Variants in PLIN5 observed in about 807,000 individuals in gnomAD.
The protein encoded by PLIN5 is perilipin-5.
Under a neutral mutation model 32.8 loss-of-function variants are expected in PLIN5, and 34 were observed. That is an observed-to-expected ratio of 1.04 (90% CI 0.79 to 1.38). The LOEUF is 1.38. Ranked by LOEUF, PLIN5 falls within the 40% of genes most tolerant of loss-of-function variation. The pLI is 0.00. For synonymous variants in PLIN5, 309 were observed against 292.9 expected (o/e 1.05, Z -0.56); for missense variants, 712 against 660.5 (o/e 1.08, Z -0.85).
rs1441846413 is a variant in PLIN5, at chr19:4,522,665, G to A, written c.*863C>T. 6.6e-6 allele frequency: 1 copy of A among 152,204 alleles called. No individual in the cohort carries two copies. The highest frequency in any genetic ancestry group is 1.5e-5 in the Non-Finnish European group (1 of 68,050). 9.4% of individuals were successfully genotyped at this position (152,204 alleles called of 1,614,324 possible). On this transcript the variant is annotated 3_prime_UTR_variant, in exon 8 of 8. Coordinates refer to ENST00000381848, the MANE Select transcript of PLIN5 (RefSeq NM_001013706.3). ...CAAAGTTCCAAATAGGGCAAAATGT[G>A]TGTTTCCCTAGGAAGTATTTTTTAA...
chr19:4,524,090 AG>A lies in PLIN5; in HGVS notation c.835-6del, dbSNP rs1350633313. On this transcript the variant is annotated splice_polypyrimidine_tract_variant and splice_region_variant and intron_variant, in intron 7 of 7. Coordinates refer to ENST00000381848, the MANE Select transcript of PLIN5 (RefSeq NM_001013706.3). ...CACCAGCGTCTCCAGCTCTGCCTGC[AG>A]GGGGCGGGGACCTCAGTTTCCCCTA... 9 of 1,414,936 alleles carry A rather than the reference AG, an allele frequency of 6.4e-6. No individual in the cohort carries two copies. The highest frequency in any genetic ancestry group is 1.5e-5 in the South Asian group (1 of 65,818). 87.6% of individuals were successfully genotyped at this position (1,414,936 alleles called of 1,614,324 possible). A position where few individuals can be genotyped will look rare whatever the true frequency, so the allele number is the denominator to read the frequency against.
Position 4,529,244 on chromosome 19 carries a change from A to G in PLIN5, c.349T>C (p.Ser117Pro), listed in dbSNP as rs1270962311. ...LQQPSETVVT[S>P]AKDVVASSVT... is the part of the protein sequence containing the mutation. ...CTGCTGGCCACCACGTCCTTGGCTG[A>G]GGTCACCACCTGGAAGGAAGGGCCC... is the stretch of plus-strand genomic sequence containing the variant. Residue 117 changes from serine to proline, a missense_variant, in exon 5 of 8, where the codon TCA (serine) becomes CCA (proline). Coordinates refer to ENST00000381848, the MANE Select transcript of PLIN5 (RefSeq NM_001013706.3). 1 of 1,598,028 alleles carries G rather than the reference A, an allele frequency of 6.3e-7. No individual in the cohort carries two copies. The highest frequency in any genetic ancestry group is 1.1e-5 in the South Asian group (1 of 90,156).
At position 4,529,830 on chromosome 19, in the gene PLIN5, T is replaced by C; in HGVS notation, c.293A>G (p.Asp98Gly). The C allele has an allele frequency of 6.2e-7, 1 of 1,610,998 alleles. No individual in the cohort carries two copies. Among genetic ancestry groups the C allele is most frequent in the Non-Finnish European group, 8.5e-7 (1 of 1,177,880 alleles). The change falls in exon 4 of 8, where the codon GAC becomes GGC. Residue 98 changes from aspartate to glycine, a missense_variant. Coordinates refer to ENST00000381848, the MANE Select transcript of PLIN5 (RefSeq NM_001013706.3). ...AAAGGGAAGCTTCTCTTCCAGCTTG[T>C]CCAGGCCCCTGCAGGCGAGGCTGTT... ...TMNSLACRGLDKLEEKLPFLQ... is the reference protein window; with the variant it reads ...TMNSLACRGLGKLEEKLPFLQ...
In PLIN5 at chr19:4,523,102, C is replaced by A; in HGVS notation, c.*426G>T. 1 of 135,858 alleles carries A rather than the reference C, an allele frequency of 7.4e-6. No homozygotes were observed. The highest frequency in any genetic ancestry group is 1.5e-5 in the Non-Finnish European group (1 of 66,060). 8.4% of individuals were successfully genotyped at this position (135,858 alleles called of 1,614,324 possible). ...GCTTTTTTTTTTTTTTTCTTTCTTT[C>A]TAAGTAGAGACAGGGTTTCATCATG... On this transcript the variant is annotated 3_prime_UTR_variant, in exon 8 of 8. Transcript: ENST00000381848. This position sits in a 1 kb window ranked among gnomAD's most constrained non-coding sequence, Gnocchi z 5.0.
intron 5 of PLIN5, among the ~76,000 whole-genome samples, chr19:4,526,484 G>T (rs995180432): frequency 6.6e-6 from 1 of 152,124 alleles, no homozygotes; most frequent in Non-Finnish European, 1.5e-5. Flanking sequence ...GCCTCCTAAC[G>T]TGCTGTGTTT....
rs201551946 is a variant in PLIN5, at chr19:4,523,507, C to A, written c.*21G>T. ...GGGGTGTGCAGGTGGCCTTTCCTCC[C>A]CGCCTCCACTGGCCCATGGGTCAGA... On this transcript the variant is annotated 3_prime_UTR_variant, in exon 8 of 8. Transcript: ENST00000381848. This position sits in a 1 kb window ranked among gnomAD's most constrained non-coding sequence, Gnocchi z 5.0. 2,237 of 1,526,200 alleles carry A rather than the reference C, an allele frequency of 1.5e-3. 9 individuals carry two copies. Among genetic ancestry groups the A allele is most frequent in the Non-Finnish European group, 1.6e-3 (1,764 of 1,133,720 alleles). 94.5% of individuals were successfully genotyped at this position (1,526,200 alleles called of 1,614,324 possible).
At chr19:4,535,126 C>CG (rs112419213) in intron 1 of PLIN5, 39 bp downstream of exon 1, 19 of 152,178 alleles carry the variant, frequency 1.2e-4, no homozygotes, top group South Asian at 2.1e-4. Flanking sequence ...CTCCTAAGCC[C>CG]GGGGGGGCGC....
At position 4,524,072 on chromosome 19, in the gene PLIN5, G is replaced by A. The variant is rs765732454; in HGVS notation, c.848C>T (p.Thr283Met). 25 of 1,438,500 alleles carry A rather than the reference G, an allele frequency of 1.7e-5. No individual in the cohort carries two copies. Among genetic ancestry groups the A allele is most frequent in the South Asian group, 7.2e-5 (5 of 69,718 alleles). The allele number at this position is 1,438,500 out of a possible 1,614,324, so 89.1% of individuals were successfully genotyped here. A position where few individuals can be genotyped will look rare whatever the true frequency, so the allele number is the denominator to read the frequency against. Residue 283 changes from threonine to methionine, a missense_variant, in exon 8 of 8, where the codon ACG becomes ATG. Coordinates refer to ENST00000381848, the MANE Select transcript of PLIN5 (RefSeq NM_001013706.3). ...GGTCAGGCTGCGGGACAGCACCAGCGTCTCCAGCTCTGCCTGCAGGGGGCG... is the reference window on the plus strand; with the variant it reads ...GGTCAGGCTGCGGGACAGCACCAGCATCTCCAGCTCTGCCTGCAGGGGGCG... ...SRRRSQAELE[T>M]LVLSRSLTQE...
chr19:4,524,609 C>CAGGGAGAGAATGTGG (rs1181229448), intron 7 of PLIN5, among the ~76,000 whole-genome samples: 2 of 152,036 alleles, frequency 1.3e-5, no homozygotes, highest in Non-Finnish European at 2.9e-5. Context: ...GCTATAGGTT[C>CAGGGAGAGAATGTGG]AGGGAGAGAA....
At chr19:4,533,234 T>A (rs1976908405) in intron 2 of PLIN5, 1 of 152,096 alleles carries the variant, frequency 6.6e-6, no homozygotes, top group Non-Finnish European at 1.5e-5. Context: ...TAGCTGGGAA[T>A]ACAGGCACCC....
At position 4,525,496 on chromosome 19, in the gene PLIN5, G is replaced by A; in HGVS notation, c.720+137C>T. 1.8e-6 allele frequency: 2 copies of A among 1,103,628 alleles called. No homozygotes were observed. The highest frequency in any genetic ancestry group is 2.6e-6 in the Non-Finnish European group (2 of 776,274). The allele number at this position is 1,103,628 out of a possible 1,614,324, so 68.4% of individuals were successfully genotyped here. On this transcript the variant is annotated intron_variant, in intron 6 of 7. Transcript: ENST00000381848. This position sits in a 1 kb window ranked among gnomAD's most constrained non-coding sequence, Gnocchi z 5.6. ...CTCCAGGCCCGGGTCCCCCAGCCCT[G>A]AACACATGCAGCTGGAGACAGCTGC...
chr19:4,523,655 T>C lies in PLIN5; in HGVS notation c.1265A>G (p.Glu422Gly). The change falls in exon 8 of 8, where the codon GAG becomes GGG. Residue 422 changes from glutamate to glycine, a missense_variant. Physicochemically the swap from Glu to Gly is moderately conservative, Grantham distance 98 (BLOSUM62 -2). Coordinates refer to ENST00000381848, the MANE Select transcript of PLIN5 (RefSeq NM_001013706.3). The surrounding 1 kb of genome is among the most constrained non-coding windows in gnomAD (Gnocchi z 5.0). The part of the protein sequence containing the change: ...WPAQQRAWEA[E>G]HRDGSGNGDG... ...CCCATTCCCACTCCCGTCCCTGTGCTCTGCCTCCCAGGCTCTCTGCTGGGC... is the reference window on the plus strand; with the variant it reads ...CCCATTCCCACTCCCGTCCCTGTGCCCTGCCTCCCAGGCTCTCTGCTGGGC... 1 of 1,610,660 alleles carries C rather than the reference T, an allele frequency of 6.2e-7. No individual in the cohort carries two copies. Among genetic ancestry groups the C allele is most frequent in the Non-Finnish European group, 8.5e-7 (1 of 1,179,764 alleles).
rs202226755 is a variant in PLIN5 at position 4,523,870 on chromosome 19, G to A, written c.1050C>T (p.Arg350=). 1,008 of 1,527,136 alleles carry A rather than the reference G, an allele frequency of 6.6e-4. 5 individuals carry two copies. The African/African-American group carries it at 0.013, about 19-fold the overall frequency. The allele number at this position is 1,527,136 out of a possible 1,614,324, so 94.6% of individuals were successfully genotyped here. A position where few individuals can be genotyped will look rare whatever the true frequency, so the allele number is the denominator to read the frequency against. ...PAAALAEGRG[R]VAHAHACVDE... is the part of the protein sequence containing the mutation. ...CCACGCAGGCGTGCGCGTGGGCCACGCGACCCCGGCCCTCGGCCAGCGCGG... is the reference window on the plus strand; with the variant it reads ...CCACGCAGGCGTGCGCGTGGGCCACACGACCCCGGCCCTCGGCCAGCGCGG... Residue 350 remains arginine, a synonymous_variant, in exon 8 of 8, where the codon CGC becomes CGT. Transcript: ENST00000381848. The surrounding 1 kb of genome is among the most constrained non-coding windows in gnomAD (Gnocchi z 5.0).
chr19:4,530,357 G>T (rs1202761496), intron 3 of PLIN5, among the ~76,000 whole-genome samples: 4 of 152,234 alleles, frequency 2.6e-5, no homozygotes, highest in Non-Finnish European at 4.4e-5. Flanking sequence ...ACAGAAGCTG[G>T]CTGAGAGGGA....
chr19:4,529,451 C>G (rs145830985), intron 4 of PLIN5, 198 bp from the exon 5 acceptor site: 2 of 593,600 alleles, frequency 3.4e-6, no homozygotes, highest in African/African-American at 3.7e-5. Context: ...ACTAGCAATA[C>G]ATATGTATAC....
chr19:4,529,426 G>C (rs1184410110), intron 4 of PLIN5, 173 bp from the exon 5 acceptor site: 3 of 665,626 alleles, frequency 4.5e-6, no homozygotes, highest in African/African-American at 1.8e-5. Flanking sequence ...GGTGTTGAGG[G>C]AGTTAACTGC....
At chr19:4,526,853 A>G (rs188842558) in intron 5 of PLIN5, among the ~76,000 whole-genome samples, 3,969 of 146,242 alleles carry the variant, frequency 0.027, 247 homozygotes, top group African/African-American at 0.1. Flanking sequence ...GCAAGACTCC[A>G]TCTCAAAAAA....
In PLIN5 at chr19:4,531,827, G is replaced by A. The variant is rs769425840; in HGVS notation, c.61-5C>T. 3.9e-4 allele frequency: 593 copies of A among 1,535,612 alleles called. No homozygotes were observed. The highest frequency in any genetic ancestry group is 4.9e-4 in the Non-Finnish European group (556 of 1,140,574). On this transcript the variant is annotated splice_region_variant and splice_polypyrimidine_tract_variant and intron_variant, in intron 2 of 7. Coordinates refer to ENST00000381848, the MANE Select transcript of PLIN5 (RefSeq NM_001013706.3). ...CACCACACGCTGCACCACGTTCTGC[G>A]GGAAGGGTCGGCATCAGGGGGACCC...
intron 3 of PLIN5, among the ~76,000 whole-genome samples, chr19:4,530,226 G>T (rs1282281247): frequency 6.6e-6 from 1 of 152,100 alleles, no homozygotes; most frequent in Non-Finnish European, 1.5e-5. Context: ...TAGGCCGCTG[G>T]GTTGGGCACT....
Sources: allele counts gnomAD v4.1 joint callset (sites outside exome capture counted in the v4.1 genomes callset), GRCh38; gene constraint gnomAD v4.1.1; non-coding constraint Gnocchi (gnomAD v3.1); transcripts MANE v1.5; gene names NCBI Gene and HGNC (gene_info 2026-07-23, HGNC 2026-07-21).